The following PRIM2 variants were observed in gnomAD, a reference collection of about 807,000 sequenced individuals.
PRIM2 encodes the protein DNA primase subunit 2.
In PRIM2, 39 loss-of-function variants were observed where a neutral mutation model predicts 67.3. The observed-to-expected ratio is 0.58, with a 90% CI of 0.45 to 0.76. PRIM2 has a LOEUF of 0.76. PRIM2 is among the 30% of genes least tolerant of loss of function. The probability of loss-of-function intolerance (pLI) is 0.00; values close to 1 mark genes in which losing one functional copy is unlikely to be tolerated. For missense variants in PRIM2, 398 were observed against 598.7 expected (o/e 0.66, Z 3.50); for synonymous variants, 143 against 198.7 (o/e 0.72, Z 2.36).
In PRIM2 at chr6:57,416,618, A is replaced by G. The variant is rs1413927703; in HGVS notation, c.693+34450A>G. Among the ~76,000 whole-genome samples the G allele has an allele frequency of 3.9e-5, 6 of 152,206 alleles. 1 individual carries two copies. The highest frequency in any genetic ancestry group is 1.3e-4 in the Admixed American group (2 of 15,284). ...TCTTCTTCCAGTATTAGGCAGTTTCATCTACATTAAAAAGCTGTTGTTTAG... is the reference window on the plus strand; with the variant it reads ...TCTTCTTCCAGTATTAGGCAGTTTCGTCTACATTAAAAAGCTGTTGTTTAG... On this transcript the variant is annotated intron_variant, in intron 7 of 13. Coordinates refer to ENST00000615550, the MANE Select transcript of PRIM2 (RefSeq NM_000947.5).
chr6:57,255,679 C>T, the PRIM2 span, among the ~76,000 whole-genome samples: 2 of 151,952 alleles, frequency 1.3e-5, no homozygotes, highest in Admixed American at 6.6e-5. Flanking sequence ...ACAGCAATGT[C>T]CCATTTAAAT....
chr6:57,241,153 G>A, the PRIM2 span, among the ~76,000 whole-genome samples: 2 of 151,702 alleles, frequency 1.3e-5, no homozygotes, highest in Non-Finnish European at 2.9e-5. Context: ...GAACCCAGGA[G>A]GCGGAGCTTG....
rs79354699 is a variant in PRIM2, at chr6:57,421,545, T to A, written c.693+39377T>A. 1.3e-3 allele frequency among the ~76,000 whole-genome samples: 192 copies of A among 152,372 alleles called. 5 individuals are homozygous for A. In the East Asian group the frequency reaches 0.016, roughly 13 times the overall value. ...CAAATGTTAGAGAATTTTAAATGTT[T>A]GTGACATCTGTGTTTTTATTGTGAA... is the stretch of plus-strand genomic sequence containing the variant. On this transcript the variant is annotated intron_variant, in intron 7 of 13. Transcript: ENST00000615550.
chr6:57,492,090 G>A (rs1773905953), intron 7 of PRIM2, among the ~76,000 whole-genome samples: 2 of 152,192 alleles, frequency 1.3e-5, no homozygotes, highest in Admixed American at 1.3e-4. Context: ...TGTGGGGCGT[G>A]TCAGAGGTTG....
chr6:57,313,799 C>T (rs968521534), upstream of PRIM2, among the ~76,000 whole-genome samples: 4 of 152,228 alleles, frequency 2.6e-5, no homozygotes, highest in African/African-American at 9.6e-5. Context: ...GCTTACCACG[C>T]CTTTGGTTTT....
intron 10 of PRIM2, among the ~76,000 whole-genome samples, chr6:57,579,257 A>G (rs1166061625): frequency 6.6e-6 from 1 of 150,934 alleles, no homozygotes; most frequent in Non-Finnish European, 1.5e-5. Flanking sequence ...CCTGACCTTT[A>G]GAAAAGAAAC....
intron 5 of PRIM2, among the ~76,000 whole-genome samples, chr6:57,370,381 A>G (rs532162973): frequency 6.6e-6 from 1 of 152,342 alleles, no homozygotes; most frequent in South Asian, 2.1e-4. Flanking sequence ...AAAATAATGA[A>G]GTTAATAGCA....
At position 57,320,439 on chromosome 6, in the gene PRIM2, C is replaced by G. The variant is rs1374903468; in HGVS notation, c.155-18C>G. The G allele has an allele frequency of 6.6e-7, 1 of 1,523,766 alleles. No individual in the cohort carries two copies. The highest frequency in any genetic ancestry group is 2.3e-5 in the East Asian group (1 of 43,892). The allele number at this position is 1,523,766 out of a possible 1,614,324, so 94.4% of individuals were successfully genotyped here. A position where few individuals can be genotyped will look rare whatever the true frequency, so the allele number is the denominator to read the frequency against. ...TTAAAACATTATCTTGCATTTATAC[C>G]TTTTTTCTTTTTTTTAGTGTTAAAA... On this transcript the variant is annotated intron_variant, in intron 2 of 13. Coordinates refer to ENST00000615550, the MANE Select transcript of PRIM2 (RefSeq NM_000947.5).
At chr6:57,225,132 TA>T in the PRIM2 span, among the ~76,000 whole-genome samples, 1,455 of 152,240 alleles carry the variant, frequency 9.6e-3, 25 homozygotes, top group African/African-American at 0.033. Context: ...TATCACCTTT[TA>T]AAAAAATGGT....
chr6:57,645,988 A>T lies in PRIM2; in HGVS notation c.1360A>T (p.Ile454Phe), dbSNP rs1777327573. ...PNQFFCESQR[I>F]LNGGKDIKKE... ...TCAGTTCTTTTGTGAGAGCCAACGT[A>T]TTCTAAATGGTGGTAAAGACATAAA... Residue 454 changes from isoleucine (I) to phenylalanine (F), a missense_variant, in exon 14 of 14, where the codon ATT (isoleucine) becomes TTT (phenylalanine). This residue lies in a region of PRIM2 where 72 missense variants were observed against 89.4 expected (regional missense o/e 0.81). Transcript: ENST00000615550. 22 of 1,607,570 alleles carry T rather than the reference A, an allele frequency of 1.4e-5. No homozygotes were observed. Among genetic ancestry groups the T allele is most frequent in the Non-Finnish European group, 1.9e-5 (22 of 1,174,078 alleles).
At position 57,456,280 on chromosome 6, in the gene PRIM2, C is replaced by T. The variant is rs543593720; in HGVS notation, c.694-51107C>T. On this transcript the variant is annotated intron_variant, in intron 7 of 13. Transcript: ENST00000615550. Reference sequence around the variant, plus strand: ...TTATGTGTCTTGGAGTTGCTCTTCTCGAGGAGTATCTTTGTGGCATTCTCT... The same window carrying T: ...TTATGTGTCTTGGAGTTGCTCTTCTTGAGGAGTATCTTTGTGGCATTCTCT... Among the ~76,000 whole-genome samples, 12 of 152,196 alleles carry T rather than the reference C, an allele frequency of 7.9e-5. No individual in the cohort carries two copies. The East Asian group carries it at 1.4e-3, about 17-fold the overall frequency.
intron 10 of PRIM2, among the ~76,000 whole-genome samples, chr6:57,555,498 T>C (rs1407964872): frequency 0.17 from 26,468 of 152,140 alleles, 2,441 homozygotes; most frequent in Non-Finnish European, 0.21. Flanking sequence ...CAGGCTTGTC[T>C]GGAACTCCTG....
intron 12 of PRIM2, among the ~76,000 whole-genome samples, chr6:57,626,984 TTAAAAA>T (rs1776959008): frequency 6.6e-6 from 1 of 151,594 alleles, no homozygotes; most frequent in Admixed American, 6.6e-5. Context: ...TAGAGAATAG[TTAAAAA>T]TAAAGAGAGG....
At chr6:57,597,042 C>T (rs1173992680) in intron 10 of PRIM2, among the ~76,000 whole-genome samples, 9 of 147,630 alleles carry the variant, frequency 6.1e-5, no homozygotes, top group African/African-American at 2.4e-4. Context: ...TTATTGAGCA[C>T]CTCCTATGAG....
At chr6:57,416,523 A>G (rs13191088) in intron 7 of PRIM2, among the ~76,000 whole-genome samples, 1 of 152,302 alleles carries the variant, frequency 6.6e-6, no homozygotes, top group Non-Finnish European at 1.5e-5. Flanking sequence ...TAACAAGGGA[A>G]TGAGCCTGTC....
In PRIM2 at chr6:57,617,486, A is replaced by G. The variant is rs1315913515; in HGVS notation, c.1230+11029A>G. Among the ~76,000 whole-genome samples, 923 of 152,214 alleles carry G rather than the reference A, an allele frequency of 6.1e-3. 8 individuals are homozygous for G. The highest frequency in any genetic ancestry group is 0.021 in the African/African-American group (871 of 41,550). ...GCAGTGATATCTCATTGTGGTTTTGATTTGCATTTTTCTAATGAATAATGA... is the reference window on the plus strand; with the variant it reads ...GCAGTGATATCTCATTGTGGTTTTGGTTTGCATTTTTCTAATGAATAATGA... On this transcript the variant is annotated intron_variant, in intron 12 of 13. Coordinates refer to ENST00000615550, the MANE Select transcript of PRIM2 (RefSeq NM_000947.5).
the PRIM2 span, among the ~76,000 whole-genome samples, chr6:57,259,636 C>T: frequency 6.6e-6 from 1 of 152,210 alleles, no homozygotes; most frequent in Non-Finnish European, 1.5e-5. Context: ...AGATATACTT[C>T]ACCTTTGTGG....
chr6:57,521,484 T>C (rs1333010148), intron 8 of PRIM2, among the ~76,000 whole-genome samples: 1 of 151,900 alleles, frequency 6.6e-6, no homozygotes, highest in African/African-American at 2.4e-5. Flanking sequence ...AAATTGTTTT[T>C]CCATTTGTGC....
chr6:57,641,951 G>A (rs1385908426), intron 13 of PRIM2, among the ~76,000 whole-genome samples: 1 of 152,092 alleles, frequency 6.6e-6, no homozygotes, highest in African/African-American at 2.4e-5. Flanking sequence ...TTGTGGCATT[G>A]TTCACAATAG....
Sources: gnomAD v4.1 joint callset for allele counts (sites outside exome capture counted in the v4.1 genomes callset) on GRCh38, gnomAD v4.1.1 for gene constraint, gnomAD v4.1.1 regional missense constraint, MANE v1.5 for transcripts, NCBI Gene and HGNC (gene_info 2026-07-23, HGNC 2026-07-21) for gene names.